Variants in GAB2 observed in about 807,000 individuals in gnomAD.
GAB2 encodes GRB2 associated binding protein 2.
Under a neutral mutation model 65.5 loss-of-function variants are expected in GAB2, and 26 were observed. That is an observed-to-expected ratio of 0.40 (90% CI 0.29 to 0.55). The LOEUF is 0.55. Ranked by LOEUF, GAB2 falls within the 20% of genes least tolerant of loss-of-function variation. The pLI is 0.53. For missense variants in GAB2, 884 were observed against 875.8 expected, an observed-to-expected ratio of 1.01 and a Z score of -0.12; for synonymous variants, 321 against 329.6, an observed-to-expected ratio of 0.97 and a Z score of 0.28.
At chr11:78,388,357 C>T (rs1021689742) in intron 1 of GAB2, among the ~76,000 whole-genome samples, 3 of 148,110 alleles carry the variant, frequency 2.0e-5, no homozygotes, top group African/African-American at 2.5e-5. Flanking sequence ...GACAGGGTCT[C>T]GCTCTGTTGT....
At chr11:78,312,795 T>C (rs752882775) in intron 1 of GAB2, among the ~76,000 whole-genome samples, 5 of 152,144 alleles carry the variant, frequency 3.3e-5, no homozygotes, top group Non-Finnish European at 5.9e-5. Flanking sequence ...ATTGTAGATA[T>C]AAAGTTATAA....
chr11:78,267,765 G>A (rs1039428903), intron 2 of GAB2, among the ~76,000 whole-genome samples: 5 of 145,212 alleles, frequency 3.4e-5, no homozygotes, highest in African/African-American at 1.3e-4. Flanking sequence ...GGCTGAGGCA[G>A]AAGAATGGCA....
intron 2 of GAB2, among the ~76,000 whole-genome samples, chr11:78,279,520 T>C (rs1366299849): frequency 6.6e-6 from 1 of 152,204 alleles, no homozygotes; most frequent in Non-Finnish European, 1.5e-5. Context: ...TGGTTTTTAG[T>C]ATACTCATGA....
chr11:78,320,107 C>T (rs538322824), intron 1 of GAB2, among the ~76,000 whole-genome samples: 15 of 152,182 alleles, frequency 9.9e-5, no homozygotes, highest in South Asian at 4.1e-4. Context: ...CTCCTGGCCT[C>T]GATCTGCCCC....
At chr11:78,322,282 G>A (rs1855738947) in intron 1 of GAB2, among the ~76,000 whole-genome samples, 1 of 101,282 alleles carries the variant, frequency 9.9e-6, no homozygotes. Flanking sequence ...CTGGCTGACA[G>A]AGGGAGACTC....
intron 1 of GAB2, among the ~76,000 whole-genome samples, chr11:78,367,798 T>C (rs901810561): frequency 8.6e-5 from 13 of 151,642 alleles, no homozygotes; most frequent in Admixed American, 6.6e-4. Context: ...TCTCAGAATA[T>C]GTCAGTGCTT....
rs1386041741 is a variant in GAB2 at position 78,276,618 on chromosome 11, G to A, written c.376+3983C>T. Reference sequence around the variant, plus strand: ...ACTGTTCATCTTTGTAGCCTCATTGGTTATGACAGGAACTTGCATAAAATG... The same window carrying A: ...ACTGTTCATCTTTGTAGCCTCATTGATTATGACAGGAACTTGCATAAAATG... On this transcript the variant is annotated intron_variant, in intron 2 of 9. Coordinates refer to ENST00000361507, the MANE Select transcript of GAB2 (RefSeq NM_080491.3). 7.2e-5 allele frequency among the ~76,000 whole-genome samples: 11 copies of A among 151,986 alleles called. 1 individual carries two copies. The highest frequency in any genetic ancestry group is 2.7e-4 in the African/African-American group (11 of 41,368).
chr11:78,417,622 C>T, intron 1 of GAB2, 24 bp downstream of exon 1: 2 of 1,306,114 alleles, frequency 1.5e-6, no homozygotes, highest in Non-Finnish European at 2.0e-6. Context: ...CCGCCCGCCC[C>T]TGGGCGGCCG....
At chr11:78,354,362 AAT>A (rs1435004349) in intron 1 of GAB2, among the ~76,000 whole-genome samples, 2 of 152,186 alleles carry the variant, frequency 1.3e-5, no homozygotes, top group African/African-American at 4.8e-5. Flanking sequence ...TTTGTGAAAG[AAT>A]ATGTGATACT....
At chr11:78,244,345 T>A (rs894758853) in intron 3 of GAB2, among the ~76,000 whole-genome samples, 3 of 151,598 alleles carry the variant, frequency 2.0e-5, no homozygotes, top group Admixed American at 6.6e-5. Flanking sequence ...TGAGCCAAGA[T>A]CGCACCATTG....
intron 1 of GAB2, among the ~76,000 whole-genome samples, chr11:78,291,408 G>A (rs1170943507): frequency 1.3e-5 from 2 of 150,750 alleles, no homozygotes; most frequent in African/African-American, 4.9e-5. Context: ...AGAGCTTACG[G>A]TGAGCGGAGA....
intron 1 of GAB2, among the ~76,000 whole-genome samples, chr11:78,309,400 C>G (rs1855439522): frequency 6.6e-6 from 1 of 151,954 alleles, no homozygotes; most frequent in Admixed American, 6.6e-5. Flanking sequence ...AGTCCCTGTC[C>G]CCCTCCCCAG....
intron 2 of GAB2, among the ~76,000 whole-genome samples, chr11:78,258,428 A>G (rs1865650417): frequency 6.6e-6 from 1 of 152,194 alleles, no homozygotes; most frequent in Non-Finnish European, 1.5e-5. Context: ...CACATAATCT[A>G]TGGCTCCAAA....
At chr11:78,417,203 C>G (rs1358971749) in intron 1 of GAB2, among the ~76,000 whole-genome samples, 35 of 152,144 alleles carry the variant, frequency 2.3e-4, no homozygotes, top group African/African-American at 8.2e-4. Flanking sequence ...GTGAGGCGCT[C>G]GCCCTTTGTG....
chr11:78,386,570 A>C (rs988592001), intron 1 of GAB2, among the ~76,000 whole-genome samples: 4 of 152,156 alleles, frequency 2.6e-5, no homozygotes, highest in Admixed American at 1.3e-4. Flanking sequence ...CAGGGCCTAA[A>C]GGGAGGCCTG....
chr11:78,351,402 T>C (rs1201491358), intron 1 of GAB2, among the ~76,000 whole-genome samples: 1 of 152,190 alleles, frequency 6.6e-6, no homozygotes, highest in Non-Finnish European at 1.5e-5. Context: ...ATCCCTTTCA[T>C]CAGGCACCTC....
chr11:78,342,404 C>CTTTTT (rs143105179), intron 1 of GAB2, among the ~76,000 whole-genome samples: 44 of 109,870 alleles, frequency 4.0e-4, no homozygotes, highest in African/African-American at 1.1e-3. Flanking sequence ...ACACTTTGCA[C>CTTTTT]TTTTTTTTTT....
At chr11:78,329,590 A>C (rs984128555) in intron 1 of GAB2, among the ~76,000 whole-genome samples, 17 of 152,172 alleles carry the variant, frequency 1.1e-4, no homozygotes, top group African/African-American at 3.6e-4. Context: ...AGAATACCCT[A>C]GGTACTCAAC....
intron 2 of GAB2, among the ~76,000 whole-genome samples, chr11:78,270,530 C>T (rs565227854): frequency 6.6e-6 from 1 of 152,244 alleles, no homozygotes; most frequent in Admixed American, 6.5e-5. Flanking sequence ...GGCCCTTCCA[C>T]TCTGCTTTCT....
Sources: gnomAD v4.1 joint callset for allele counts (sites outside exome capture counted in the v4.1 genomes callset) on GRCh38, gnomAD v4.1.1 for gene constraint, MANE v1.5 for transcripts, NCBI Gene and HGNC (gene_info 2026-07-23, HGNC 2026-07-21) for gene names.